LEKR1: variants seen among roughly 807,000 people sequenced by gnomAD.
The protein encoded by LEKR1 is protein LEKR1.
LEKR1 carries 59 observed loss-of-function variants against 72.4 expected under a neutral mutation model. The ratio of observed to expected loss-of-function variants is 0.82; its 90% CI spans 0.66 to 1.01. The LOEUF (loss-of-function observed/expected upper bound fraction) is 1.01, where lower values mean the gene tolerates loss of function less well. Ranked by LOEUF, LEKR1 falls within the 50% of genes least tolerant of loss-of-function variation. The pLI is 0.00. For synonymous variants in LEKR1, 257 were observed against 263.2 expected (o/e 0.98, Z 0.23); for missense variants, 728 against 759.2 (o/e 0.96, Z 0.48).
intron 12 of LEKR1, among the ~76,000 whole-genome samples, chr3:157,036,908 T>C (rs1334347972): frequency 6.6e-6 from 1 of 152,010 alleles, no homozygotes; most frequent in African/African-American, 2.4e-5. Flanking sequence ...ACCCAGAAAA[T>C]GAAGCAGAAA....
chr3:156,828,149 G>A (rs1032507570), intron 1 of LEKR1, among the ~76,000 whole-genome samples: 4 of 152,200 alleles, frequency 2.6e-5, no homozygotes, highest in African/African-American at 9.7e-5. Context: ...AAGCTCATTA[G>A]TTTTTGGTTT....
intron 3 of LEKR1, among the ~76,000 whole-genome samples, chr3:156,875,591 A>G (rs1055650425): frequency 3.9e-5 from 6 of 152,138 alleles, no homozygotes; most frequent in Non-Finnish European, 5.9e-5. Flanking sequence ...TTGGTCATGA[A>G]CTTAATGACT....
chr3:156,993,342 G>T, intron 9 of LEKR1, 65 bp downstream of exon 9: 3 of 1,014,970 alleles, frequency 3.0e-6, no homozygotes, highest in East Asian at 4.8e-5. Flanking sequence ...ATATATATTT[G>T]CAACATCAGT....
intron 3 of LEKR1, among the ~76,000 whole-genome samples, chr3:156,872,064 G>A (rs1376386165): frequency 6.6e-6 from 1 of 151,056 alleles, no homozygotes; most frequent in Admixed American, 6.6e-5. Context: ...AAACTGTCTG[G>A]TCCTGGACTT....
chr3:156,895,739 G>A (rs1721115573), intron 3 of LEKR1, among the ~76,000 whole-genome samples: 1 of 152,156 alleles, frequency 6.6e-6, no homozygotes, highest in Non-Finnish European at 1.5e-5. Flanking sequence ...CAGAGAAAAA[G>A]GAATGCTTTT....
intron 3 of LEKR1, among the ~76,000 whole-genome samples, chr3:156,891,513 G>A (rs1720666663): frequency 6.6e-6 from 1 of 152,158 alleles, no homozygotes; most frequent in African/African-American, 2.4e-5. Flanking sequence ...GATATGCAAT[G>A]GAAGGTATCA....
chr3:156,845,462 A>G (rs1714469356), intron 2 of LEKR1, among the ~76,000 whole-genome samples: 4 of 151,846 alleles, frequency 2.6e-5, no homozygotes, highest in South Asian at 2.1e-4. Flanking sequence ...ATTTCTTCTA[A>G]TATTTTCTAC....
At chr3:156,926,130 T>C (rs551918421) in intron 4 of LEKR1, among the ~76,000 whole-genome samples, 1 of 152,084 alleles carries the variant, frequency 6.6e-6, no homozygotes, top group African/African-American at 2.4e-5. Flanking sequence ...TTCAGATACA[T>C]TGGAGAAAGA....
intron 2 of LEKR1, among the ~76,000 whole-genome samples, chr3:156,838,597 T>A (rs115501267): frequency 6.6e-6 from 1 of 152,196 alleles, no homozygotes; most frequent in South Asian, 2.1e-4. Flanking sequence ...TGACCGTGCT[T>A]AGAATACTCA....
At chr3:157,021,682 A>G (rs1441746387) in intron 10 of LEKR1, among the ~76,000 whole-genome samples, 2 of 152,166 alleles carry the variant, frequency 1.3e-5, no homozygotes, top group African/African-American at 4.8e-5. Flanking sequence ...ATTGGGCTCT[A>G]CTAATTAACC....
intron 12 of LEKR1, among the ~76,000 whole-genome samples, chr3:157,035,673 C>T (rs1164091507): frequency 1.3e-5 from 2 of 152,074 alleles, no homozygotes; most frequent in Non-Finnish European, 2.9e-5. Flanking sequence ...CCAAGGCAGG[C>T]AGATCACATG....
At chr3:156,880,845 T>C (rs372263928) in intron 3 of LEKR1, among the ~76,000 whole-genome samples, 5 of 152,194 alleles carry the variant, frequency 3.3e-5, no homozygotes, top group Non-Finnish European at 4.4e-5. Context: ...GCTGGTTCAA[T>C]ATATGCAAAT....
intron 2 of LEKR1, among the ~76,000 whole-genome samples, chr3:156,851,348 T>G: frequency 6.6e-6 from 1 of 152,160 alleles, no homozygotes; most frequent in East Asian, 1.9e-4. Flanking sequence ...GAGGCGGATT[T>G]GTGATGAGCC....
chr3:156,890,928 C>T (rs564969495), intron 3 of LEKR1, among the ~76,000 whole-genome samples: 10 of 148,756 alleles, frequency 6.7e-5, no homozygotes, highest in African/African-American at 1.7e-4. Context: ...GGCATGATCT[C>T]GGCTCACTGC....
chr3:156,955,810 T>G (rs905392439), intron 6 of LEKR1, among the ~76,000 whole-genome samples: 14 of 151,694 alleles, frequency 9.2e-5, no homozygotes, highest in Non-Finnish European at 2.1e-4. Context: ...AAGTTTTCTT[T>G]TTGTTGTTGT....
At chr3:156,907,854 T>C (rs1163095550) in intron 3 of LEKR1, among the ~76,000 whole-genome samples, 2 of 152,102 alleles carry the variant, frequency 1.3e-5, no homozygotes, top group African/African-American at 4.8e-5. Context: ...TTTTTTCCAG[T>C]CCAGTATTCA....
chr3:156,865,733 A>G (rs1717237971), intron 3 of LEKR1, among the ~76,000 whole-genome samples: 1 of 151,984 alleles, frequency 6.6e-6, no homozygotes, highest in South Asian at 2.1e-4. Context: ...AATCTTCTCT[A>G]TGGTCTGAGA....
At chr3:156,839,062 C>T (rs988978869) in intron 2 of LEKR1, among the ~76,000 whole-genome samples, 20 of 152,086 alleles carry the variant, frequency 1.3e-4, no homozygotes, top group African/African-American at 3.6e-4. Flanking sequence ...AAGGAGGAGA[C>T]GTGAGCACCA....
At chr3:156,856,865 C>G (rs1716122386) in intron 3 of LEKR1, among the ~76,000 whole-genome samples, 1 of 152,020 alleles carries the variant, frequency 6.6e-6, no homozygotes, top group Non-Finnish European at 1.5e-5. Context: ...CAAATAGTGC[C>G]TGTCATCTTT....
Sources: gnomAD v4.1 joint callset for allele counts (sites outside exome capture counted in the v4.1 genomes callset) on GRCh38, gnomAD v4.1.1 for gene constraint, MANE v1.5 for transcripts, NCBI Gene and HGNC (gene_info 2026-07-23, HGNC 2026-07-21) for gene names.